The following GRXCR2 variants were observed in gnomAD, a reference collection of about 807,000 sequenced individuals.
GRXCR2 encodes the protein glutaredoxin and cysteine rich domain containing 2.
In GRXCR2, 23 loss-of-function variants were observed where a neutral mutation model predicts 24.8. The ratio of observed to expected loss-of-function variants is 0.93; its 90% CI spans 0.67 to 1.32. The LOEUF (loss-of-function observed/expected upper bound fraction) is 1.32, where lower values mean the gene tolerates loss of function less well. GRXCR2 is among the 40% of genes most tolerant of loss of function. GRXCR2 has a pLI of 0.00. For missense variants in GRXCR2, 315 were observed against 303.4 expected, an observed-to-expected ratio of 1.04 and a Z score of -0.28; for synonymous variants, 130 against 116.1, an observed-to-expected ratio of 1.12 and a Z score of -0.77.
intron 2 of GRXCR2, among the ~76,000 whole-genome samples, chr5:145,927,207 G>A (rs1757411347): frequency 1.3e-5 from 2 of 152,080 alleles, no homozygotes; most frequent in Admixed American, 1.3e-4. Flanking sequence ...TTTCCTAATT[G>A]AATACCCTTT....
chr5:145,870,755 C>G (rs1353407963), intron 1 of GRXCR2, among the ~76,000 whole-genome samples: 1 of 152,098 alleles, frequency 6.6e-6, no homozygotes, highest in Non-Finnish European at 1.5e-5. Context: ...TGAATCCATC[C>G]TGGTCACTCT....
intron 2 of GRXCR2, among the ~76,000 whole-genome samples, chr5:145,910,837 A>AGT (rs59096502): frequency 0.4 from 59,582 of 150,112 alleles, 12,016 homozygotes; most frequent in East Asian, 0.62. Flanking sequence ...AACTATGTGA[A>AGT]GTGTGTGTGT....
chr5:145,862,783 T>C (rs10055590), intron 2 of GRXCR2, among the ~76,000 whole-genome samples: 74,131 of 151,986 alleles, frequency 0.49, 18,277 homozygotes, highest in Middle Eastern at 0.53. Context: ...CTGGCTCTAA[T>C]GATCTCTGGC....
Position 145,913,950 on chromosome 5 carries a change from G to A in GRXCR2, c.-70+21751C>T, listed in dbSNP as rs188635158. Reference sequence around the variant, plus strand: ...CAAACGCTATGAAACACACTCAGGCGTTTTGATTTTAGAATCATGCTGCAG... The same window carrying A: ...CAAACGCTATGAAACACACTCAGGCATTTTGATTTTAGAATCATGCTGCAG... On this transcript the variant is annotated intron_variant, in intron 2 of 3. Transcript: ENST00000639411. Among the ~76,000 whole-genome samples the A allele has an allele frequency of 1.3e-4, 20 of 152,326 alleles. No homozygotes were observed. In the East Asian group the frequency reaches 2.5e-3, roughly 19 times the overall value.
chr5:145,859,830 G>A lies in GRXCR2; in HGVS notation c.650C>T (p.Ser217Leu), dbSNP rs952270962. The A allele has an allele frequency of 8.1e-6, 13 of 1,613,612 alleles. No individual in the cohort carries two copies. The highest frequency in any genetic ancestry group is 3.3e-4 in the Middle Eastern group (2 of 6,074). Reference protein sequence around the residue: ...TCSLCHGSKFSMLANRFKESY... With the variant: ...TCSLCHGSKFLMLANRFKESY... ...CTCCTTAAATCTGTTGGCCAGCATC[G>A]AGAACTTGCTGCCGTGGCACAGAGA... The change falls in exon 3 of 3, where the codon TCG becomes TTG. Residue 217 changes from serine to leucine, a missense_variant. Ser to Leu is a moderately radical substitution (Grantham distance 145). Coordinates refer to ENST00000377976, the MANE Select transcript of GRXCR2 (RefSeq NM_001080516.2).
chr5:145,867,029 A>G (rs1046279663), intron 1 of GRXCR2, among the ~76,000 whole-genome samples: 6 of 152,204 alleles, frequency 3.9e-5, no homozygotes, highest in Admixed American at 3.9e-4. Context: ...CCAACAGCCA[A>G]TGCAGGGCTG....
At chr5:145,866,459 T>C (rs989213073) in intron 2 of GRXCR2, 42 bp downstream of exon 2, 1 of 1,455,968 alleles carries the variant, frequency 6.9e-7, no homozygotes. Context: ...ACCATTGCTG[T>C]AGGGCCAGCT....
chr5:145,895,272 A>T (rs964992040), intron 2 of GRXCR2, among the ~76,000 whole-genome samples: 3 of 151,912 alleles, frequency 2.0e-5, no homozygotes, highest in Non-Finnish European at 2.9e-5. Flanking sequence ...ATAGTGTTGG[A>T]AGTTCTGGCC....
At chr5:145,920,499 C>A (rs898401108) in intron 2 of GRXCR2, among the ~76,000 whole-genome samples, 8 of 152,140 alleles carry the variant, frequency 5.3e-5, no homozygotes, top group African/African-American at 1.9e-4. Context: ...AGAGAAGGAA[C>A]CTGAGTCTCA....
chr5:145,874,209 A>ATTTTT (rs1184224409), upstream of GRXCR2, among the ~76,000 whole-genome samples: 1 of 141,546 alleles, frequency 7.1e-6, no homozygotes, highest in Non-Finnish European at 1.6e-5. Flanking sequence ...ATTTTATTTT[A>ATTTTT]TTTTTTTTTT....
At chr5:145,863,829 G>A (rs928529398) in intron 2 of GRXCR2, among the ~76,000 whole-genome samples, 2 of 152,092 alleles carry the variant, frequency 1.3e-5, no homozygotes, top group South Asian at 2.1e-4. Context: ...ATGAGAGAAG[G>A]TAATGGCCAA....
At chr5:145,910,863 C>T (rs746756467) in intron 2 of GRXCR2, among the ~76,000 whole-genome samples, 15 of 138,060 alleles carry the variant, frequency 1.1e-4, no homozygotes, top group Admixed American at 2.2e-4. Flanking sequence ...TGTGTGTACC[C>T]GTGCATGCAC....
upstream of GRXCR2, among the ~76,000 whole-genome samples, chr5:145,873,749 G>T (rs181789890): frequency 1.8e-4 from 27 of 152,326 alleles, no homozygotes; most frequent in Admixed American, 5.9e-4. Context: ...CCTCCACTTG[G>T]TATGTATTTT....
At chr5:145,900,456 C>T (rs979077817) in intron 2 of GRXCR2, among the ~76,000 whole-genome samples, 1 of 152,010 alleles carries the variant, frequency 6.6e-6, no homozygotes, top group African/African-American at 2.4e-5. Flanking sequence ...TTCTTTACAG[C>T]AATGTGAAAA....
intron 2 of GRXCR2, among the ~76,000 whole-genome samples, chr5:145,890,595 C>T (rs1279995197): frequency 2.0e-5 from 3 of 152,072 alleles, no homozygotes; most frequent in South Asian, 2.1e-4. Context: ...TACCACTAGA[C>T]CAGTCTTATA....
intron 2 of GRXCR2, among the ~76,000 whole-genome samples, chr5:145,882,103 G>A (rs1323550119): frequency 6.6e-6 from 1 of 152,150 alleles, no homozygotes; most frequent in African/African-American, 2.4e-5. Context: ...TCAGGACATA[G>A]GCATGGGCAA....
At chr5:145,919,978 C>A (rs760077020) in intron 2 of GRXCR2, among the ~76,000 whole-genome samples, 6 of 152,052 alleles carry the variant, frequency 3.9e-5, no homozygotes, top group Non-Finnish European at 8.8e-5. Context: ...ACCGAGGCAC[C>A]CAGGGCCCTG....
chr5:145,885,359 CT>C (rs1214466369), intron 2 of GRXCR2, among the ~76,000 whole-genome samples: 16 of 151,600 alleles, frequency 1.1e-4, no homozygotes, highest in African/African-American at 3.9e-4. Context: ...TTCACCACCA[CT>C]TTTTTTTTCT....
At chr5:145,923,820 C>G (rs562199194) in intron 2 of GRXCR2, among the ~76,000 whole-genome samples, 1 of 152,082 alleles carries the variant, frequency 6.6e-6, no homozygotes, top group Admixed American at 6.5e-5. Context: ...GTATGATTAC[C>G]TTATAGTATA....
Sources: allele counts gnomAD v4.1 joint callset (sites outside exome capture counted in the v4.1 genomes callset), GRCh38; gene constraint gnomAD v4.1.1; transcripts MANE v1.5; gene names NCBI Gene and HGNC (gene_info 2026-07-23, HGNC 2026-07-21).